DCHS1: variants seen among roughly 807,000 people sequenced by gnomAD.
DCHS1 encodes the protein dachsous cadherin-related 1.
A neutral mutation model predicts 213.9 loss-of-function variants in DCHS1; 78 were observed. That is an observed-to-expected ratio of 0.36 (90% confidence interval 0.30 to 0.44). DCHS1 has a LOEUF of 0.44. DCHS1 is among the 20% of genes least tolerant of loss of function. The pLI, the probability that DCHS1 is intolerant of heterozygous loss-of-function variation, is 1.00. For synonymous variants in DCHS1, 1,828 were observed against 1,873.7 expected (o/e 0.98, Z 0.63); for missense variants, 3,946 against 4,395.9 (o/e 0.90, Z 2.89).
chr11:6,633,565 G>A lies in DCHS1; in HGVS notation c.2302C>T (p.Leu768=), dbSNP rs1297514372. The A allele has an allele frequency of 6.3e-7, 1 of 1,592,032 alleles. No homozygotes were observed. The change falls in exon 5 of 21, where the codon CTA becomes TTA. Residue 768 remains leucine, a synonymous_variant. Coordinates refer to ENST00000299441, the MANE Select transcript of DCHS1 (RefSeq NM_003737.4). ...LEIGAEDGGG[L]QAEPSARVDI... The stretch of plus-strand genomic sequence containing the variant: ...ACTCGGGCACTGGGTTCTGCCTGTA[G>A]GCCACCTCCGTCCTCAGCCCCGATC...
chr11:6,647,075 C>T (rs1233377308), intron 1 of DCHS1, among the ~76,000 whole-genome samples: 2 of 152,132 alleles, frequency 1.3e-5, no homozygotes, highest in African/African-American at 2.4e-5. Context: ...AGAAAGACAA[C>T]AGGGGTGAGG....
In DCHS1 at chr11:6,655,776, G is replaced by C; in HGVS notation, c.-334C>G. 1.0e-6 allele frequency: 1 copy of C among 978,580 alleles called. No individual in the cohort carries two copies. Among genetic ancestry groups the C allele is most frequent in the Non-Finnish European group, 1.2e-6 (1 of 827,316 alleles). The allele number at this position is 978,580 out of a possible 1,614,324, so 60.6% of individuals were successfully genotyped here. On this transcript the variant is annotated 5_prime_UTR_variant, in exon 1 of 21. Transcript: ENST00000299441. The stretch of plus-strand genomic sequence containing the variant: ...CGCTGACGCCCGGGCGCCGCCTCCT[G>C]CACAGCCGCCCCGCCGAGGATGCGA...
At position 6,633,430 on chromosome 11, in the gene DCHS1, G is replaced by T; in HGVS notation, c.2437C>A (p.Gln813Lys). The change falls in exon 5 of 21, where the codon CAG (glutamine) becomes AAG (lysine). Residue 813 changes from glutamine (Q) to lysine (K), a missense_variant. By Grantham distance (53) the Gln-to-Lys change is moderately conservative. Around this residue, in one of 3 missense-constraint regions of DCHS1, gnomAD observed 3,384 missense variants for 3,780.1 expected, o/e 0.90. Coordinates refer to ENST00000299441, the MANE Select transcript of DCHS1 (RefSeq NM_003737.4). ...ATGATACCTGGTGGGTTGTGTGCCT[G>T]GACTATGCCCACACTGGTGCCTGGT... The part of the protein sequence containing the change: ...VAPGTSVGIV[Q>K]AHNPPGRLAP... 6.4e-7 allele frequency: 1 copy of T among 1,558,860 alleles called. No homozygotes were observed. The highest frequency in any genetic ancestry group is 2.4e-5 in the East Asian group (1 of 41,678).
intron 1 of DCHS1, among the ~76,000 whole-genome samples, chr11:6,646,771 G>T (rs1349099022): frequency 6.6e-6 from 1 of 152,160 alleles, no homozygotes; most frequent in Admixed American, 6.5e-5. Flanking sequence ...TTAGGAGGGG[G>T]AGGGGCAAGA....
intron 1 of DCHS1, among the ~76,000 whole-genome samples, chr11:6,646,999 G>C (rs986194029): frequency 2.6e-5 from 4 of 152,114 alleles, no homozygotes; most frequent in African/African-American, 9.7e-5. Context: ...AGGGGAAACA[G>C]GCTGGGGGAG....
Position 6,639,901 on chromosome 11 carries a change from CA to C in DCHS1, c.1712del (p.Val571GlyfsTer30). On this transcript the variant is annotated frameshift_variant, in exon 2 of 21. Transcript: ENST00000299441. LOFTEE classifies it high-confidence loss of function. ...SATVSVALQD[V>X]NDNEPQFQRT... is the part of the protein sequence containing the mutation. Reference sequence around the variant, plus strand: ...TCTGGAATTGGGGCTCATTATCATTCACATCTTGCAGGGCCACGCTAACTGT... The same window carrying C: ...TCTGGAATTGGGGCTCATTATCATTCCATCTTGCAGGGCCACGCTAACTGT... 6.2e-7 allele frequency: 1 copy of C among 1,613,942 alleles called. No individual in the cohort carries two copies. The highest frequency in any genetic ancestry group is 1.6e-4 in the Middle Eastern group (1 of 6,062).
chr11:6,643,644 T>C (rs1241187217), intron 1 of DCHS1, among the ~76,000 whole-genome samples: 1 of 152,174 alleles, frequency 6.6e-6, no homozygotes, highest in East Asian at 1.9e-4. Context: ...CAGTGTCTTT[T>C]CCCACTCTCC....
At chr11:6,629,319 G>A (rs888580501) in intron 12 of DCHS1, 133 bp downstream of exon 12, 2 of 1,297,838 alleles carry the variant, frequency 1.5e-6, no homozygotes, top group Non-Finnish European at 2.1e-6. Context: ...CCCCAAAAGG[G>A]TCCAAAAACA....
At chr11:6,637,318 A>C (rs1421855936) in intron 2 of DCHS1, among the ~76,000 whole-genome samples, 2 of 152,264 alleles carry the variant, frequency 1.3e-5, no homozygotes, top group Middle Eastern at 3.4e-3. Context: ...GCCTCTACCC[A>C]CTAGATGCCA....
Position 6,632,555 on chromosome 11 carries a change from A to G in DCHS1, c.2957T>C (p.Val986Ala). ...PPRTSHFRLR[V>A]VVQDVGTRGL... ...ACGGGTTCCCACATCCTGTACCACC[A>G]CCCGTAGTCGAAAGTGGCTGGTGCG... Residue 986 changes from valine to alanine, a missense_variant, in exon 6 of 21, where the codon GTG becomes GCG. Coordinates refer to ENST00000299441, the MANE Select transcript of DCHS1 (RefSeq NM_003737.4). The surrounding 1 kb of genome is among the most constrained non-coding windows in gnomAD (Gnocchi z 5.9). The G allele has an allele frequency of 6.6e-7, 1 of 1,521,406 alleles. No homozygotes were observed. The highest frequency in any genetic ancestry group is 2.4e-5 in the East Asian group (1 of 41,864). 94.2% of individuals were successfully genotyped at this position (1,521,406 alleles called of 1,614,324 possible).
chr11:6,640,919 G>A lies in DCHS1; in HGVS notation c.695C>T (p.Ser232Leu). 1 of 1,614,052 alleles carries A rather than the reference G, an allele frequency of 6.2e-7. No individual in the cohort carries two copies. The highest frequency in any genetic ancestry group is 8.5e-7 in the Non-Finnish European group (1 of 1,179,904). ...MLQLEAYDGG[S>L]PPRRAQALLD... Reference sequence around the variant, plus strand: ...CAGGGCCTGGGCCCTCCGGGGGGGTGAACCACCATCATAGGCCTCCAGCTG... The same window carrying A: ...CAGGGCCTGGGCCCTCCGGGGGGGTAAACCACCATCATAGGCCTCCAGCTG... The change falls in exon 2 of 21, where the codon TCA becomes TTA. Residue 232 changes from serine (S) to leucine (L), a missense_variant. Physicochemically the swap from Ser to Leu is moderately radical, Grantham distance 145. Around this residue, in one of 3 missense-constraint regions of DCHS1, gnomAD observed 3,384 missense variants for 3,780.1 expected, o/e 0.90. Coordinates refer to ENST00000299441, the MANE Select transcript of DCHS1 (RefSeq NM_003737.4). This position sits in a 1 kb window ranked among gnomAD's most constrained non-coding sequence, Gnocchi z 6.5.
rs1381121456 is a variant in DCHS1, at chr11:6,627,814, A to G, written c.5372-147T>C. 10 of 997,572 alleles carry G rather than the reference A, an allele frequency of 1.0e-5. No homozygotes were observed. In the East Asian group the frequency reaches 2.1e-4, roughly 21 times the overall value. The allele number at this position is 997,572 out of a possible 1,614,324, so 61.8% of individuals were successfully genotyped here. On this transcript the variant is annotated intron_variant, in intron 13 of 20. Coordinates refer to ENST00000299441, the MANE Select transcript of DCHS1 (RefSeq NM_003737.4). The surrounding 1 kb of genome is among the most constrained non-coding windows in gnomAD (Gnocchi z 5.4). The stretch of plus-strand genomic sequence containing the variant: ...AAAAACAGAAACAGAAAGTAAAAGA[A>G]GATACTATAAAGCAGCTGGTATCAT...
Position 6,641,592 on chromosome 11 carries a change from C to T in DCHS1, c.22G>A (p.Val8Met). 6.5e-7 allele frequency: 1 copy of T among 1,549,320 alleles called. No individual in the cohort carries two copies. The highest frequency in any genetic ancestry group is 1.4e-5 in the African/African-American group (1 of 73,110). Residue 8 changes from valine to methionine, a missense_variant, in exon 2 of 21, where the codon GTG becomes ATG. Coordinates refer to ENST00000299441, the MANE Select transcript of DCHS1 (RefSeq NM_003737.4). The surrounding 1 kb of genome is among the most constrained non-coding windows in gnomAD (Gnocchi z 7.1). Reference protein sequence around the residue: MQKELGIVPSCPGMKSPR... With the variant: MQKELGIMPSCPGMKSPR... The stretch of plus-strand genomic sequence containing the variant: ...CTCTTCATGCCAGGGCAGGAAGGCA[C>T]AATGCCCAGCTCCTTCTGCATGACA...
At position 6,641,019 on chromosome 11, in the gene DCHS1, G is replaced by A. The variant is rs1402444127; in HGVS notation, c.595C>T (p.Pro199Ser). The A allele has an allele frequency of 2.4e-5, 38 of 1,613,872 alleles. No homozygotes were observed. Among genetic ancestry groups the A allele is most frequent in the Non-Finnish European group, 3.1e-5 (36 of 1,179,904 alleles). ...AGCTCAGGTACTGGAGTCCCATCTG[G>A]ACCGGGGCGTGTCTCCAGCCGGAAG... The part of the protein sequence containing the change: ...ETFRLETRPG[P>S]DGTPVPELVV... The change falls in exon 2 of 21, where the codon CCA becomes TCA. Residue 199 changes from proline (P) to serine (S), a missense_variant. Pro to Ser is a moderately conservative substitution (Grantham distance 74, BLOSUM62 -1). Around this residue, in one of 3 missense-constraint regions of DCHS1, gnomAD observed 3,384 missense variants for 3,780.1 expected, o/e 0.90. Coordinates refer to ENST00000299441, the MANE Select transcript of DCHS1 (RefSeq NM_003737.4). The surrounding 1 kb of genome is among the most constrained non-coding windows in gnomAD (Gnocchi z 7.1).
chr11:6,629,770 G>C lies in DCHS1; in HGVS notation c.4937C>G (p.Ala1646Gly), dbSNP rs771284776. 17 of 1,613,598 alleles carry C rather than the reference G, an allele frequency of 1.1e-5. No homozygotes were observed. The East Asian group carries it at 2.9e-4, about 27-fold the overall frequency. Reference sequence around the variant, plus strand: ...GTACTCCTGCTGCTGGAAAGTAGGCGCCTCGTCGTTGACGTCAGCGACACT... The same window carrying C: ...GTACTCCTGCTGCTGGAAAGTAGGCCCCTCGTCGTTGACGTCAGCGACACT... ...TVSVADVNDE[A>G]PTFQQQEYSV... Residue 1646 changes from alanine (A) to glycine (G), a missense_variant, in exon 11 of 21, where the codon GCG becomes GGG. Transcript: ENST00000299441.
In DCHS1 at chr11:6,631,702, C is replaced by G. The variant is rs768845183; in HGVS notation, c.3589G>C (p.Val1197Leu). 3.7e-6 allele frequency: 6 copies of G among 1,610,982 alleles called. No homozygotes were observed. The highest frequency in any genetic ancestry group is 8.5e-7 in the Non-Finnish European group (1 of 1,178,534). ...TTGAGGTCAAGCACTGCAACATGCA[C>G]AGTGCCTGTGGTGCTGCGGGGTGGG... ...GSPPRSTTGT[V>L]HVAVLDLNDN... is the part of the protein sequence containing the mutation. Residue 1197 changes from valine to leucine, a missense_variant, in exon 7 of 21, where the codon GTG (valine) becomes CTG (leucine). By Grantham distance (32) the Val-to-Leu change is conservative. This residue lies in a region of DCHS1 where 3,384 missense variants were observed against 3,780.1 expected (regional missense o/e 0.90). Coordinates refer to ENST00000299441, the MANE Select transcript of DCHS1 (RefSeq NM_003737.4).
At position 6,640,119 on chromosome 11, in the gene DCHS1, C is replaced by G; in HGVS notation, c.1495G>C (p.Asp499His). The change falls in exon 2 of 21, where the codon GAT becomes CAT. Residue 499 changes from aspartate to histidine, a missense_variant. By Grantham distance (81) the Asp-to-His change is moderately conservative (BLOSUM62 -1). Around this residue, in one of 3 missense-constraint regions of DCHS1, gnomAD observed 3,384 missense variants for 3,780.1 expected, o/e 0.90. Transcript: ENST00000299441. This position sits in a 1 kb window ranked among gnomAD's most constrained non-coding sequence, Gnocchi z 6.5. ...GSFVVRVTAR[D>H]PDQGTNGQVT... is the part of the protein sequence containing the mutation. ...TGACCATTGGTGCCTTGGTCAGGAT[C>G]CCGAGCAGTCACCCGCACTACAAAG... 6.2e-7 allele frequency: 1 copy of G among 1,613,602 alleles called. No homozygotes were observed. The highest frequency in any genetic ancestry group is 1.6e-4 in the Middle Eastern group (1 of 6,062).
Position 6,626,991 on chromosome 11 carries a change from G to GT in DCHS1, c.6047dup (p.Tyr2016Ter). 1 of 1,613,774 alleles carries GT rather than the reference G, an allele frequency of 6.2e-7. No individual in the cohort carries two copies. The highest frequency in any genetic ancestry group is 8.5e-7 in the Non-Finnish European group (1 of 1,179,888). The change falls in exon 14 of 21, where the codon TAC (tyrosine) becomes TAAC (stop). Residue 2016 changes from tyrosine (Y) to a stop codon, truncating the protein, a stop_gained and frameshift_variant. Transcript: ENST00000299441. LOFTEE classifies it high-confidence loss of function. The surrounding 1 kb of genome is among the most constrained non-coding windows in gnomAD (Gnocchi z 5.2). ...AGCGGGCCACGCGGATTTCACCAGT[G>GT]TAAGAGTCCACAGTAGTGCCAGGAG... The part of the protein sequence containing the change: ...TPPPGTTVDS[Y>*]TGEIRVARSP...
At position 6,633,558 on chromosome 11, in the gene DCHS1, G is replaced by T. The variant is rs1855944788; in HGVS notation, c.2309C>A (p.Ala770Glu). The change falls in exon 5 of 21, where the codon GCA becomes GAA. Residue 770 changes from alanine to glutamate, a missense_variant. Transcript: ENST00000299441. ...IGAEDGGGLQ[A>E]EPSARVDISI... Reference sequence around the variant, plus strand: ...GATGTCCACTCGGGCACTGGGTTCTGCCTGTAGGCCACCTCCGTCCTCAGC... The same window carrying T: ...GATGTCCACTCGGGCACTGGGTTCTTCCTGTAGGCCACCTCCGTCCTCAGC... 1 of 1,591,252 alleles carries T rather than the reference G, an allele frequency of 6.3e-7. No individual in the cohort carries two copies. Among genetic ancestry groups the T allele is most frequent in the Admixed American group, 1.8e-5 (1 of 56,566 alleles).
Sources: gnomAD v4.1 joint callset for allele counts (sites outside exome capture counted in the v4.1 genomes callset) on GRCh38, gnomAD v4.1.1 for gene constraint, gnomAD v4.1.1 regional missense constraint, Gnocchi (gnomAD v3.1) non-coding constraint, MANE v1.5 for transcripts, NCBI Gene and HGNC (gene_info 2026-07-23, HGNC 2026-07-21) for gene names.